Variants in SGCG observed in about 807,000 individuals in gnomAD.
The protein encoded by SGCG is sarcoglycan gamma, also known as gamma-sarcoglycan.
Under a neutral mutation model 29.3 loss-of-function variants are expected in SGCG, and 26 were observed. The observed-to-expected ratio is 0.89, with a 90% CI of 0.65 to 1.23. The LOEUF (loss-of-function observed/expected upper bound fraction) is 1.23, where lower values mean the gene tolerates loss of function less well. SGCG is among the 50% of genes most tolerant of loss of function. The pLI is 0.00. For missense variants in SGCG, 353 were observed against 356.0 expected (o/e 0.99, Z 0.07); for synonymous variants, 145 against 129.7 (o/e 1.12, Z -0.80).
chr13:23,266,396 C>T lies in SGCG; in HGVS notation c.386-12963C>T, dbSNP rs538186796. Reference sequence around the variant, plus strand: ...AGTGATATAATGTCTTTTGCAGTGACTTGGATGGAATTGGAGGCCATTATT... The same window carrying T: ...AGTGATATAATGTCTTTTGCAGTGATTTGGATGGAATTGGAGGCCATTATT... On this transcript the variant is annotated intron_variant, in intron 4 of 7. Coordinates refer to ENST00000218867, the MANE Select transcript of SGCG (RefSeq NM_000231.3). Among the ~76,000 whole-genome samples the T allele has an allele frequency of 7.6e-4, 115 of 151,892 alleles. 1 individual carries two copies. The highest frequency in any genetic ancestry group is 1.5e-3 in the Non-Finnish European group (100 of 68,002).
intron 4 of SGCG, among the ~76,000 whole-genome samples, chr13:23,276,431 C>CT (rs71100165): frequency 0.16 from 16,549 of 101,556 alleles, 2,284 homozygotes; most frequent in South Asian, 0.25. Flanking sequence ...TTTTAGTTTT[C>CT]TTTTTTTTTT....
intron 4 of SGCG, among the ~76,000 whole-genome samples, chr13:23,277,882 TAG>T (rs1881148469): frequency 6.6e-6 from 1 of 151,978 alleles, no homozygotes; most frequent in Non-Finnish European, 1.5e-5. Flanking sequence ...GTATTTTTAG[TAG>T]AGACTGGGTT....
At chr13:23,305,168 T>C (rs1483643721) in intron 6 of SGCG, among the ~76,000 whole-genome samples, 2 of 152,246 alleles carry the variant, frequency 1.3e-5, no homozygotes, top group Non-Finnish European at 2.9e-5. Flanking sequence ...ACTGACAACT[T>C]ACTGTGTTGA....
intron 6 of SGCG, among the ~76,000 whole-genome samples, chr13:23,300,361 T>G (rs1432536566): frequency 6.6e-6 from 1 of 152,186 alleles, no homozygotes; most frequent in African/African-American, 2.4e-5. Context: ...AAGCTACTCA[T>G]AGAGAAATCA....
chr13:23,247,015 C>T (rs1879737388), intron 3 of SGCG: 1 of 154,962 alleles, frequency 6.5e-6, no homozygotes, highest in African/African-American at 2.4e-5. Flanking sequence ...ATTGTAGAAA[C>T]CAATGCTCCC....
At chr13:23,179,987 C>T (rs955718585), upstream of SGCG, among the ~76,000 whole-genome samples, 16 of 152,154 alleles carry the variant, frequency 1.1e-4, no homozygotes, top group Admixed American at 5.9e-4. Context: ...AGGTAGTAAG[C>T]CCAGTACCCG....
intron 3 of SGCG, among the ~76,000 whole-genome samples, chr13:23,243,205 A>G (rs1415617934): frequency 2.0e-5 from 3 of 152,170 alleles, no homozygotes; most frequent in Non-Finnish European, 4.4e-5. Flanking sequence ...TTTTAGTCTC[A>G]CATAACAGGA....
At chr13:23,204,666 T>C (rs1410047932) in intron 2 of SGCG, among the ~76,000 whole-genome samples, 1 of 151,208 alleles carries the variant, frequency 6.6e-6, no homozygotes, top group Non-Finnish European at 1.5e-5. Flanking sequence ...TTCATTCCCT[T>C]CTTTCCCTTC....
intron 6 of SGCG, among the ~76,000 whole-genome samples, chr13:23,309,251 G>A (rs1370873094): frequency 6.7e-6 from 1 of 150,292 alleles, no homozygotes; most frequent in Non-Finnish European, 1.5e-5. Flanking sequence ...CATATGCCGA[G>A]AGAGAGAGAG....
intron 4 of SGCG, among the ~76,000 whole-genome samples, chr13:23,274,991 C>G (rs147713740): frequency 1.3e-3 from 199 of 151,724 alleles, no homozygotes; most frequent in African/African-American, 4.7e-3. Context: ...TCAGGCTACC[C>G]TTTTATATTT....
chr13:23,196,645 TTATTTA>T lies in SGCG; in HGVS notation c.1-7044_1-7039del, dbSNP rs554956912. Among the ~76,000 whole-genome samples the T allele has an allele frequency of 7.0e-3, 1,065 of 152,252 alleles. 7 individuals are homozygous for T. The highest frequency in any genetic ancestry group is 0.014 in the Middle Eastern group (4 of 294). ...TTTTTCTGTTTTTGCTTGGTTGAGA[TTATTTA>T]TATTTTAAGGATATTAACCTTGTCC... On this transcript the variant is annotated intron_variant, in intron 1 of 7. Coordinates refer to ENST00000218867, the MANE Select transcript of SGCG (RefSeq NM_000231.3).
At chr13:23,287,378 A>T (rs1411365485) in intron 5 of SGCG, among the ~76,000 whole-genome samples, 2 of 148,886 alleles carry the variant, frequency 1.3e-5, no homozygotes, top group African/African-American at 2.4e-5. Flanking sequence ...ACAAGAAATG[A>T]GCCTCAGTCT....
chr13:23,303,942 T>C (rs1436684405), intron 6 of SGCG, among the ~76,000 whole-genome samples: 11 of 152,266 alleles, frequency 7.2e-5, no homozygotes, highest in Admixed American at 4.6e-4. Flanking sequence ...ATATTTTAAA[T>C]TTTGCCAATC....
chr13:23,281,821 C>G (rs954286254), intron 5 of SGCG, among the ~76,000 whole-genome samples: 2 of 152,202 alleles, frequency 1.3e-5, no homozygotes, highest in Non-Finnish European at 2.9e-5. Flanking sequence ...GTAACGCTCG[C>G]TGGCCCACTG....
the SGCG span, among the ~76,000 whole-genome samples, chr13:23,164,127 G>A: frequency 6.6e-6 from 1 of 151,972 alleles, no homozygotes; most frequent in Admixed American, 6.6e-5. Context: ...TAAGATTGTT[G>A]ACTCAGTTTG....
intron 4 of SGCG, among the ~76,000 whole-genome samples, chr13:23,256,713 C>CT (rs1468768549): frequency 1.3e-5 from 2 of 152,138 alleles, no homozygotes; most frequent in Non-Finnish European, 2.9e-5. Flanking sequence ...TGAACTCATC[C>CT]TTTTTTATGG....
At chr13:23,200,268 C>G (rs1254676899) in intron 1 of SGCG, among the ~76,000 whole-genome samples, 1 of 151,948 alleles carries the variant, frequency 6.6e-6, no homozygotes, top group Non-Finnish European at 1.5e-5. Flanking sequence ...ACTAAAAATA[C>G]AAAAATTAGC....
intron 6 of SGCG, among the ~76,000 whole-genome samples, chr13:23,310,870 C>T (rs1386876586): frequency 6.6e-6 from 1 of 152,168 alleles, no homozygotes; most frequent in African/African-American, 2.4e-5. Flanking sequence ...AAAACTTAGT[C>T]ACTTCCATCC....
intron 1 of SGCG, among the ~76,000 whole-genome samples, chr13:23,194,378 G>A (rs895779215): frequency 2.6e-5 from 4 of 152,046 alleles, no homozygotes; most frequent in South Asian, 2.1e-4. Context: ...AACCCAAGTC[G>A]AAGAAGTTCA....
Sources: allele counts gnomAD v4.1 joint callset (sites outside exome capture counted in the v4.1 genomes callset), GRCh38; gene constraint gnomAD v4.1.1; transcripts MANE v1.5; gene names NCBI Gene and HGNC (gene_info 2026-07-23, HGNC 2026-07-21).